The following BEST2 variants were observed in gnomAD, a reference collection of about 807,000 sequenced individuals.
BEST2 encodes the protein bestrophin 2.
A neutral mutation model predicts 49.0 loss-of-function variants in BEST2; 36 were observed. That is an observed-to-expected ratio of 0.73 (90% CI 0.56 to 0.97). BEST2 has a LOEUF of 0.97. BEST2 is among the 50% of genes least tolerant of loss of function. The probability of loss-of-function intolerance (pLI) is 0.00; values close to 1 mark genes in which losing one functional copy is unlikely to be tolerated. For synonymous variants in BEST2, 335 were observed against 304.4 expected, an observed-to-expected ratio of 1.10 and a Z score of -1.05; for missense variants, 672 against 710.0, an observed-to-expected ratio of 0.95 and a Z score of 0.61.
At chr19:12,753,426 G>T in intron 3 of BEST2, 72 bp downstream of exon 3, 1 of 1,438,624 alleles carries the variant, frequency 7.0e-7, no homozygotes, top group Admixed American at 1.7e-5. Context: ...CTTTTGAGGA[G>T]CCCCCATTCC....
chr19:12,754,511 C>G (rs1568352373), intron 3 of BEST2, 41 bp from the exon 4 acceptor site: 1 of 1,434,532 alleles, frequency 7.0e-7, no homozygotes, highest in African/African-American at 1.4e-5. Context: ...ACCCCTGGCC[C>G]TGGTGTCCCC....
At chr19:12,756,615 A>G in intron 9 of BEST2, 1 of 322,098 alleles carries the variant, frequency 3.1e-6, no homozygotes, top group Admixed American at 4.5e-5. Flanking sequence ...AGGCTGAGGC[A>G]GGAGGATCCT....
At chr19:12,753,476 A>G (rs2145703047) in intron 3 of BEST2, 122 bp downstream of exon 3, 1 of 817,152 alleles carries the variant, frequency 1.2e-6, no homozygotes, top group East Asian at 2.7e-5. Flanking sequence ...CAACCCCGAC[A>G]GCACTGCCCA....
rs1326553819 is a variant in BEST2, at chr19:12,757,741, G to A, written c.1194G>A (p.Leu398=). ...EAPGDFLQRL[L]PAGAGMVAGG... is the part of the protein sequence containing the mutation. ...CCGGCGACTTCCTGCAGCGCCTCCT[G>A]CCGGCGGGCGCGGGCATGGTCGCGG... Residue 398 remains leucine (L), a synonymous_variant, in exon 10 of 10, where the codon CTG becomes CTA. Coordinates refer to ENST00000553030, the MANE Select transcript of BEST2 (RefSeq NM_017682.3). 2 of 1,544,142 alleles carry A rather than the reference G, an allele frequency of 1.3e-6. No homozygotes were observed. The highest frequency in any genetic ancestry group is 2.1e-4 in the Middle Eastern group (1 of 4,688).
chr19:12,754,653 C>T lies in BEST2; in HGVS notation c.349C>T (p.Arg117Cys). ...MCVVAGTVHGRDDRGRLYRRT... is the reference protein window; with the variant it reads ...MCVVAGTVHGCDDRGRLYRRT... ...CGTGGTGGCGGGCACCGTGCACGGA[C>T]GCGACGACCGCGGCCGCCTCTACCG... Residue 117 changes from arginine to cysteine, a missense_variant, in exon 4 of 10, where the codon CGC (arginine) becomes TGC (cysteine). By Grantham distance (180) the Arg-to-Cys change is radical. Transcript: ENST00000553030. 6.4e-7 allele frequency: 1 copy of T among 1,557,512 alleles called. No individual in the cohort carries two copies. The highest frequency in any genetic ancestry group is 1.8e-4 in the Middle Eastern group (1 of 5,698).
intron 3 of BEST2, among the ~76,000 whole-genome samples, chr19:12,754,062 C>CAT: frequency 1.8e-5 from 1 of 54,428 alleles, no homozygotes; most frequent in African/African-American, 7.7e-5. Context: ...GCTGCTCTGC[C>CAT]TTTTTTTTTT....
chr19:12,755,444 C>G lies in BEST2; in HGVS notation c.702C>G (p.Leu234=), dbSNP rs1400190362. ...LFHYDWISVP[L]VYTQVVTIAL... ...ACTATGACTGGATTAGCGTACCCCT[C>G]GTGTACACGCAGGTAACCCCATCAT... Residue 234 remains leucine (L), a synonymous_variant, in exon 6 of 10, where the codon CTC becomes CTG. Coordinates refer to ENST00000553030, the MANE Select transcript of BEST2 (RefSeq NM_017682.3). The surrounding 1 kb of genome is among the most constrained non-coding windows in gnomAD (Gnocchi z 4.4). The G allele has an allele frequency of 3.7e-6, 6 of 1,613,984 alleles. No homozygotes were observed. Among genetic ancestry groups the G allele is most frequent in the Non-Finnish European group, 5.1e-6 (6 of 1,180,010 alleles).
Position 12,754,724 on chromosome 19 carries a change from G to C in BEST2, c.420G>C (p.Leu140=). 6.3e-7 allele frequency: 1 copy of C among 1,593,222 alleles called. No homozygotes were observed. Among genetic ancestry groups the C allele is most frequent in the Non-Finnish European group, 8.5e-7 (1 of 1,169,830 alleles). ...CAGGGCTCTCGGCCGTGCTCATCCT[G>C]CGCTCCGTCAGCACCGCGGTGTTCA... The part of the protein sequence containing the change: ...RYAGLSAVLI[L]RSVSTAVFKR... Residue 140 remains leucine (L), a synonymous_variant, in exon 4 of 10, where the codon CTG becomes CTC. Transcript: ENST00000553030.
At chr19:12,752,953 A>G (rs1967889050) in intron 2 of BEST2, among the ~76,000 whole-genome samples, 1 of 151,338 alleles carries the variant, frequency 6.6e-6, no homozygotes, top group Admixed American at 6.6e-5. Context: ...GGTTCAAGCG[A>G]TTCTCCTGCC....
chr19:12,754,540 G>A lies in BEST2; in HGVS notation c.248-12G>A, dbSNP rs1415955677. ...TGTCCCCACTGAGCCCCCATTCCCC[G>A]CTCCCCTGCAGGCTTTTATGTGACG... On this transcript the variant is annotated splice_polypyrimidine_tract_variant and intron_variant, in intron 3 of 9. Coordinates refer to ENST00000553030, the MANE Select transcript of BEST2 (RefSeq NM_017682.3). The A allele has an allele frequency of 1.4e-6, 2 of 1,463,308 alleles. No individual in the cohort carries two copies. The highest frequency in any genetic ancestry group is 2.4e-5 in the Admixed American group (1 of 41,116). 90.6% of individuals were successfully genotyped at this position (1,463,308 alleles called of 1,614,324 possible). A position where few individuals can be genotyped will look rare whatever the true frequency, so the allele number is the denominator to read the frequency against.
intron 9 of BEST2, among the ~76,000 whole-genome samples, chr19:12,757,178 G>T (rs1016901228): frequency 2.6e-5 from 4 of 151,590 alleles, no homozygotes; most frequent in Admixed American, 2.6e-4. Context: ...GGTGGCTCAC[G>T]CCAAGGTGGG....
Position 12,757,641 on chromosome 19 carries a change from G to A in BEST2, c.1104-10G>A. ...GAGGCCGCAGCGCTGGCCCACTGTC[G>A]GTCCCGCAGGCTGGCCAAAGAAGAC... is the stretch of plus-strand genomic sequence containing the variant. On this transcript the variant is annotated splice_polypyrimidine_tract_variant and intron_variant, in intron 9 of 9. Coordinates refer to ENST00000553030, the MANE Select transcript of BEST2 (RefSeq NM_017682.3). The A allele has an allele frequency of 6.5e-7, 1 of 1,530,926 alleles. No homozygotes were observed. The highest frequency in any genetic ancestry group is 2.3e-4 in the Middle Eastern group (1 of 4,416). 94.8% of individuals were successfully genotyped at this position (1,530,926 alleles called of 1,614,324 possible).
intron 9 of BEST2, among the ~76,000 whole-genome samples, chr19:12,757,095 A>G (rs1353523607): frequency 6.6e-6 from 1 of 152,188 alleles, no homozygotes; most frequent in African/African-American, 2.4e-5. Flanking sequence ...GTGAGCCGAG[A>G]TTGCGCCATT....
Position 12,758,019 on chromosome 19 carries a change from G to C in BEST2, c.1472G>C (p.Gly491Ala). The part of the protein sequence containing the change: ...FSIVTMPGPR[G>A]PAPPWLPSPI... ...ATCGTGACCATGCCCGGGCCCCGGG[G>C]TCCGGCGCCACCCTGGCTGCCCAGC... Residue 491 changes from glycine (G) to alanine (A), a missense_variant, in exon 10 of 10, where the codon GGT becomes GCT. Physicochemically the swap from Gly to Ala is moderately conservative, Grantham distance 60. Coordinates refer to ENST00000553030, the MANE Select transcript of BEST2 (RefSeq NM_017682.3). 1.2e-6 allele frequency: 2 copies of C among 1,613,056 alleles called. No homozygotes were observed. The highest frequency in any genetic ancestry group is 1.7e-6 in the Non-Finnish European group (2 of 1,179,948).
At chr19:12,757,605 C>A in intron 9 of BEST2, 46 bp from the exon 10 acceptor site, 1 of 1,513,434 alleles carries the variant, frequency 6.6e-7, no homozygotes. Context: ...CCTGCTCTGT[C>A]AACAAGAGGC....
chr19:12,754,462 A>G, intron 3 of BEST2, 90 bp from the exon 4 acceptor site: 1 of 1,119,364 alleles, frequency 8.9e-7, no homozygotes, highest in South Asian at 1.7e-5. Flanking sequence ...CCTGATGCAG[A>G]CCTTACGTTG....
chr19:12,754,981 C>G lies in BEST2; in HGVS notation c.586C>G (p.Arg196Gly), dbSNP rs776776362. The part of the protein sequence containing the change: ...VWFSNLAAQA[R>G]REGRIRDNSA... ...GTTCTCCAACCTGGCGGCACAGGCC[C>G]GACGCGAGGGCCGCATCCGCGACAA... The change falls in exon 5 of 10, where the codon CGA (arginine) becomes GGA (glycine). Residue 196 changes from arginine (R) to glycine (G), a missense_variant. Arg to Gly is a moderately radical substitution (Grantham distance 125, BLOSUM62 -2). This residue lies in a region of BEST2 where 365 missense variants were observed against 390.9 expected (regional missense o/e 0.93). Transcript: ENST00000553030. 6 of 1,612,824 alleles carry G rather than the reference C, an allele frequency of 3.7e-6. No individual in the cohort carries two copies. Among genetic ancestry groups the G allele is most frequent in the Non-Finnish European group, 5.1e-6 (6 of 1,179,630 alleles).
Position 12,752,549 on chromosome 19 carries a change from C to G in BEST2, c.-44C>G. 6.2e-7 allele frequency: 1 copy of G among 1,602,488 alleles called. No homozygotes were observed. The highest frequency in any genetic ancestry group is 8.5e-7 in the Non-Finnish European group (1 of 1,174,604). ...CTCCACCCACACCCGCAGCCCCCAC[C>G]CGGGCCACCCACTCTCCCTTGGCCA... On this transcript the variant is annotated 5_prime_UTR_variant, in exon 2 of 10. Coordinates refer to ENST00000553030, the MANE Select transcript of BEST2 (RefSeq NM_017682.3).
At chr19:12,756,352 A>G (rs1967944745) in intron 9 of BEST2, 57 bp downstream of exon 9, 1 of 1,585,944 alleles carries the variant, frequency 6.3e-7, no homozygotes. Flanking sequence ...TCTGCGGGGC[A>G]CATCTGATTG....
Sources: gnomAD v4.1 joint callset for allele counts (sites outside exome capture counted in the v4.1 genomes callset) on GRCh38, gnomAD v4.1.1 for gene constraint, gnomAD v4.1.1 regional missense constraint, Gnocchi (gnomAD v3.1) non-coding constraint, MANE v1.5 for transcripts, NCBI Gene and HGNC (gene_info 2026-07-23, HGNC 2026-07-21) for gene names.